Variants in FYCO1 observed in about 807,000 individuals in gnomAD.
FYCO1 encodes the protein FYVE and coiled-coil domain-containing protein 1.
FYCO1 carries 122 observed loss-of-function variants against 165.1 expected under a neutral mutation model. The ratio of observed to expected loss-of-function variants is 0.74; its 90% CI spans 0.64 to 0.86. The LOEUF (loss-of-function observed/expected upper bound fraction) is 0.86, where lower values mean the gene tolerates loss of function less well. Ranked by LOEUF, FYCO1 falls within the 40% of genes least tolerant of loss-of-function variation. The pLI is 0.00. For missense variants in FYCO1, 1,702 were observed against 1,810.3 expected, an observed-to-expected ratio of 0.94 and a Z score of 1.09; for synonymous variants, 648 against 742.5, an observed-to-expected ratio of 0.87 and a Z score of 2.07.
intron 4 of FYCO1, among the ~76,000 whole-genome samples, chr3:45,979,016 C>A (rs1575382792): frequency 6.6e-6 from 1 of 151,812 alleles, no homozygotes; most frequent in African/African-American, 2.4e-5. Flanking sequence ...GCCACCACGC[C>A]TGGCTAATTT....
chr3:45,933,159 C>A (rs1403588179), intron 15 of FYCO1, among the ~76,000 whole-genome samples: 1 of 152,160 alleles, frequency 6.6e-6, no homozygotes, highest in Non-Finnish European at 1.5e-5. Flanking sequence ...ATAATATAAT[C>A]TTAAGATGCC....
chr3:45,956,364 A>C (rs1705324906), intron 13 of FYCO1, among the ~76,000 whole-genome samples: 1 of 151,668 alleles, frequency 6.6e-6, no homozygotes, highest in Non-Finnish European at 1.5e-5. Context: ...AAATAAATAA[A>C]TAAATAAATA....
chr3:45,966,877 G>A lies in FYCO1; in HGVS notation c.2457C>T (p.Val819=). Residue 819 remains valine (V), a synonymous_variant, in exon 8 of 18, where the codon GTC becomes GTT. Transcript: ENST00000296137. ...VQSQLSMAEA[V]LREHKTLVQQ... is the part of the protein sequence containing the mutation. ...GCACAAGGGTTTTGTGCTCCCTCAG[G>A]ACGGCCTCAGCCATGCTTAGCTGGC... The A allele has an allele frequency of 6.2e-7, 1 of 1,613,256 alleles. No homozygotes were observed. The highest frequency in any genetic ancestry group is 8.5e-7 in the Non-Finnish European group (1 of 1,180,040).
intron 14 of FYCO1, among the ~76,000 whole-genome samples, chr3:45,939,756 C>G (rs1704112163): frequency 1.3e-5 from 2 of 152,238 alleles, no homozygotes; most frequent in African/African-American, 4.8e-5. Context: ...TGTGAACAGT[C>G]TCCTGTGAAA....
In FYCO1 at chr3:45,966,595, G is replaced by A. The variant is rs13079869; in HGVS notation, c.2739C>T (p.Cys913=). 0.11 allele frequency: 181,860 copies of A among 1,614,126 alleles called. 13,763 individuals are homozygous for A. The highest frequency in any genetic ancestry group is 0.33 in the South Asian group (30,496 of 91,082). ...CTCGCTCCTTTTCCACGGTCAGTGC[G>A]CAAACCTGGATGCCCAGCTCAGCTG... is the stretch of plus-strand genomic sequence containing the variant. ...TDTAELGIQV[C]ALTVEKERVE... The change falls in exon 8 of 18, where the codon TGC becomes TGT. Residue 913 remains cysteine, a synonymous_variant. Transcript: ENST00000296137.
At position 45,978,915 on chromosome 3, in the gene FYCO1, G is replaced by C. The variant is rs186181000; in HGVS notation, c.288+790C>G. ...TCTGTCGCCCAGGCTGGAGTGCAGTGGCGCGATCTCGGCTCACTGCAAGCT... is the reference window on the plus strand; with the variant it reads ...TCTGTCGCCCAGGCTGGAGTGCAGTCGCGCGATCTCGGCTCACTGCAAGCT... On this transcript the variant is annotated intron_variant, in intron 4 of 17. Coordinates refer to ENST00000296137, the MANE Select transcript of FYCO1 (RefSeq NM_024513.4). 3.6e-3 allele frequency among the ~76,000 whole-genome samples: 538 copies of C among 148,588 alleles called. 3 individuals carry two copies. Among genetic ancestry groups the C allele is most frequent in the African/African-American group, 0.013 (512 of 40,610 alleles).
At chr3:45,989,164 C>T (rs1707453158) in intron 1 of FYCO1, among the ~76,000 whole-genome samples, 1 of 152,130 alleles carries the variant, frequency 6.6e-6, no homozygotes, top group Non-Finnish European at 1.5e-5. Flanking sequence ...AGGGCTGACC[C>T]AGAGAGGACA....
At chr3:45,933,420 C>T (rs528875574) in intron 15 of FYCO1, among the ~76,000 whole-genome samples, 5 of 152,284 alleles carry the variant, frequency 3.3e-5, no homozygotes, top group East Asian at 1.9e-4. Flanking sequence ...CATGTCCAGC[C>T]GACCTATTCT....
Position 45,964,458 on chromosome 3 carries a change from G to C in FYCO1, c.3151-4C>G. ...CTCCCATGTCTGCTTGGGTGGCCTG[G>C]CACAGGACGTCAGGGAGAAGACACT... On this transcript the variant is annotated splice_region_variant and splice_polypyrimidine_tract_variant and intron_variant, in intron 9 of 17. Transcript: ENST00000296137. This position sits in a 1 kb window ranked among gnomAD's most constrained non-coding sequence, Gnocchi z 4.1. 1 of 1,613,760 alleles carries C rather than the reference G, an allele frequency of 6.2e-7. No individual in the cohort carries two copies. The highest frequency in any genetic ancestry group is 1.1e-5 in the South Asian group (1 of 91,054).
intron 4 of FYCO1, among the ~76,000 whole-genome samples, chr3:45,975,854 G>A (rs1378186483): frequency 2.0e-5 from 3 of 152,170 alleles, no homozygotes; most frequent in African/African-American, 7.2e-5. Context: ...TGCAGGGGAA[G>A]GGCCTAAAGG....
intron 14 of FYCO1, among the ~76,000 whole-genome samples, chr3:45,944,618 T>C (rs1455635560): frequency 1.3e-5 from 2 of 152,150 alleles, no homozygotes; most frequent in Non-Finnish European, 2.9e-5. Context: ...GGGAAAGTAA[T>C]TTTTCATACT....
At chr3:45,972,504 T>C (rs1706497105) in intron 6 of FYCO1, among the ~76,000 whole-genome samples, 1 of 152,210 alleles carries the variant, frequency 6.6e-6, no homozygotes, top group South Asian at 2.1e-4. Flanking sequence ...GTCCCAGGCC[T>C]GCTGCCCACC....
At position 45,969,724 on chromosome 3, in the gene FYCO1, G is replaced by A. The variant is rs921112086; in HGVS notation, c.581C>T (p.Pro194Leu). 1 of 1,614,048 alleles carries A rather than the reference G, an allele frequency of 6.2e-7. No homozygotes were observed. Among genetic ancestry groups the A allele is most frequent in the Non-Finnish European group, 8.5e-7 (1 of 1,180,024 alleles). Residue 194 changes from proline (P) to leucine (L), a missense_variant, in exon 7 of 18, where the codon CCC becomes CTC. Pro to Leu is a moderately conservative substitution (Grantham distance 98). Coordinates refer to ENST00000296137, the MANE Select transcript of FYCO1 (RefSeq NM_024513.4). ...GCTCATGCTGGAGCTGCGGCTAGGG[G>A]GTTTCCACAGGTAAGCAGAAGAGCC... ...TTGSSAYLWKPPSRSSSMSSL... is the reference protein window; with the variant it reads ...TTGSSAYLWKLPSRSSSMSSL...
chr3:45,918,363 T>C lies in FYCO1; in HGVS notation c.*3402A>G, dbSNP rs529346386. 1.3e-5 allele frequency: 2 copies of C among 152,282 alleles called. No individual in the cohort carries two copies. The highest frequency in any genetic ancestry group is 2.4e-5 in the African/African-American group (1 of 41,564). The allele number at this position is 152,282 out of a possible 1,614,324, so 9.4% of individuals were successfully genotyped here. On this transcript the variant is annotated 3_prime_UTR_variant, in exon 18 of 18. Transcript: ENST00000296137. ...CTCTCCTGTTTCCTTGGAAGAAACATAATGAAATGAGAAGAACTTACTAAA... is the reference window on the plus strand; with the variant it reads ...CTCTCCTGTTTCCTTGGAAGAAACACAATGAAATGAGAAGAACTTACTAAA...
Position 45,969,747 on chromosome 3 carries a change from G to C in FYCO1, c.558C>G (p.Gly186=), listed in dbSNP as rs1291033197. ...GGGGTTTCCACAGGTAAGCAGAAGA[G>C]CCAGTGGTCAGCGTCCTCCTGTGGG... ...PTFARRTLTT[G]SSAYLWKPPS... The change falls in exon 7 of 18, where the codon GGC becomes GGG. Residue 186 remains glycine, a synonymous_variant. Coordinates refer to ENST00000296137, the MANE Select transcript of FYCO1 (RefSeq NM_024513.4). The C allele has an allele frequency of 3.7e-6, 6 of 1,613,792 alleles. No homozygotes were observed. Among genetic ancestry groups the C allele is most frequent in the Non-Finnish European group, 3.4e-6 (4 of 1,179,982 alleles).
At chr3:45,922,435 A>C (rs1039218967) in intron 17 of FYCO1, among the ~76,000 whole-genome samples, 1 of 152,300 alleles carries the variant, frequency 6.6e-6, no homozygotes, top group Non-Finnish European at 1.5e-5. Flanking sequence ...AGAGTAGGAA[A>C]TGGAGACTCA....
intron 16 of FYCO1, among the ~76,000 whole-genome samples, chr3:45,926,957 T>C (rs1454046403): frequency 3.2e-5 from 3 of 93,178 alleles, no homozygotes; most frequent in African/African-American, 8.8e-5. Context: ...AGAGTGAAAC[T>C]GTCTCAAAAA....
Position 45,921,832 on chromosome 3 carries a change from GA to G in FYCO1, c.4369del (p.Ser1457LeufsTer8). The stretch of plus-strand genomic sequence containing the variant: ...CGTCAAGTGATAAAATACCTTTTTA[GA>G]GACAAACCTGAGGAAACAGAAATGG... ...IFDNTFSRFV[S>X]KKVFYHLTVD... On this transcript the variant is annotated frameshift_variant, in exon 18 of 18. Coordinates refer to ENST00000296137, the MANE Select transcript of FYCO1 (RefSeq NM_024513.4). LOFTEE classifies it high-confidence loss of function. 2 of 1,609,362 alleles carry G rather than the reference GA, an allele frequency of 1.2e-6. No homozygotes were observed. Among genetic ancestry groups the G allele is most frequent in the Non-Finnish European group, 1.7e-6 (2 of 1,175,648 alleles).
intron 1 of FYCO1, among the ~76,000 whole-genome samples, chr3:45,994,569 C>G (rs993700306): frequency 5.3e-5 from 8 of 152,200 alleles, no homozygotes; most frequent in African/African-American, 1.9e-4. Context: ...TCAAGTGGAG[C>G]TCACTCAACA....
Sources: allele counts gnomAD v4.1 joint callset (sites outside exome capture counted in the v4.1 genomes callset), GRCh38; gene constraint gnomAD v4.1.1; non-coding constraint Gnocchi (gnomAD v3.1); transcripts MANE v1.5; gene names NCBI Gene and HGNC (gene_info 2026-07-23, HGNC 2026-07-21).